NCOR2: variants seen among roughly 807,000 people sequenced by gnomAD.
The protein encoded by NCOR2 is CTG repeat protein 26.
NCOR2 carries 81 observed loss-of-function variants against 262.9 expected under a neutral mutation model. The ratio of observed to expected loss-of-function variants is 0.31; its 90% CI spans 0.26 to 0.37. The LOEUF (loss-of-function observed/expected upper bound fraction) is 0.37, where lower values mean the gene tolerates loss of function less well. Ranked by LOEUF, NCOR2 falls within the 10% of genes least tolerant of loss-of-function variation. The pLI, the probability that NCOR2 is intolerant of heterozygous loss-of-function variation, is 1.00. For missense variants in NCOR2, 3,385 were observed against 3,621.4 expected (o/e 0.93, Z 1.68); for synonymous variants, 1,659 against 1,559.3 (o/e 1.06, Z -1.51).
chr12:124,493,457 G>A (rs2048203572), intron 1 of NCOR2, among the ~76,000 whole-genome samples: 1 of 152,214 alleles, frequency 6.6e-6, no homozygotes, highest in African/African-American at 2.4e-5. Flanking sequence ...TACCCCTCGT[G>A]AGAATCTAGG....
chr12:124,333,054 C>T, intron 42 of NCOR2, 76 bp downstream of exon 44: 1 of 1,505,972 alleles, frequency 6.6e-7, no homozygotes. Context: ...CACATGGCAC[C>T]ACGGTGGACT....
At chr12:124,416,329 C>A (rs2042856772) in intron 13 of NCOR2, among the ~76,000 whole-genome samples, 1 of 152,198 alleles carries the variant, frequency 6.6e-6, no homozygotes, top group South Asian at 2.1e-4. Flanking sequence ...GTACCGGGAC[C>A]CCCACGAATC....
Position 124,443,659 on chromosome 12 carries a change from C to T in NCOR2, c.816-5663G>A, listed in dbSNP as rs1000745128. 5.3e-5 allele frequency among the ~76,000 whole-genome samples: 8 copies of T among 152,074 alleles called. No individual in the cohort carries two copies. Among genetic ancestry groups the T allele is most frequent in the Admixed American group, 6.6e-5 (1 of 15,264 alleles). ...CTGGGGCTATAGGCACGTGCCACTACGCCCAGCTAATTTTCGTATTTTTAG... is the reference window on the plus strand; with the variant it reads ...CTGGGGCTATAGGCACGTGCCACTATGCCCAGCTAATTTTCGTATTTTTAG... On this transcript the variant is annotated intron_variant, in intron 7 of 46. Transcript: ENST00000405201. The surrounding 1 kb of genome is among the most constrained non-coding windows in gnomAD (Gnocchi z 4.4).
chr12:124,357,919 G>A lies in NCOR2; in HGVS notation c.3101-1137C>T, dbSNP rs533025633. Among the ~76,000 whole-genome samples, 29 of 151,244 alleles carry A rather than the reference G, an allele frequency of 1.9e-4. No homozygotes were observed. In the East Asian group the frequency reaches 3.3e-3, roughly 17 times the overall value. On this transcript the variant is annotated intron_variant, in intron 22 of 46. Transcript: ENST00000405201. Reference sequence around the variant, plus strand: ...ACCTGTGATATGTGTGTGTGCGTGCGCACGTGCGTGCATGTGTGTGTGAGT... The same window carrying A: ...ACCTGTGATATGTGTGTGTGCGTGCACACGTGCGTGCATGTGTGTGTGAGT...
In NCOR2 at chr12:124,344,152, A is replaced by AAG. The variant is rs1205061795; in HGVS notation, c.4714+443_4714+444dup. 2.6e-5 allele frequency among the ~76,000 whole-genome samples: 4 copies of AAG among 152,300 alleles called. No individual in the cohort carries two copies. In the East Asian group the frequency reaches 7.7e-4, roughly 29 times the overall value. ...CCGAGCTAAGCATGGCCAGGGAACA[A>AAG]AGAGAAAGAGGGCCCAGGGGCTGGG... On this transcript the variant is annotated intron_variant, in intron 32 of 46. Transcript: ENST00000405201.
rs376515246 is a variant in NCOR2 at position 124,423,329 on chromosome 12, G to C, written c.1329-774C>G. 7.2e-4 allele frequency among the ~76,000 whole-genome samples: 110 copies of C among 152,338 alleles called. 2 individuals carry two copies. In the South Asian group the frequency reaches 0.021, roughly 29 times the overall value. On this transcript the variant is annotated intron_variant, in intron 11 of 46. Transcript: ENST00000405201. ...GACGTGCCACAGCCCCACAGCCTTC[G>C]CAGGGAGAGCAGCGGCTGGCTGCTA... is the stretch of plus-strand genomic sequence containing the variant.
intron 17 of NCOR2, among the ~76,000 whole-genome samples, chr12:124,384,739 T>C (rs1460529674): frequency 1.3e-5 from 2 of 151,966 alleles, no homozygotes; most frequent in African/African-American, 2.4e-5. Context: ...CAATTCAGCA[T>C]GGCCTGCCCG....
intron 17 of NCOR2, 141 bp downstream of exon 19, chr12:124,385,604 C>T (rs1464693453): frequency 4.6e-6 from 6 of 1,302,688 alleles, no homozygotes; most frequent in Admixed American, 4.4e-5. Context: ...GGCTTGAACC[C>T]CCAGAAGCTG....
intron 16 of NCOR2, among the ~76,000 whole-genome samples, chr12:124,396,575 TCTCA>T (rs1252217097): frequency 3.3e-5 from 5 of 151,844 alleles, no homozygotes; most frequent in African/African-American, 1.2e-4. Context: ...CTGGCATGCC[TCTCA>T]CTCACCACAC....
intron 16 of NCOR2, among the ~76,000 whole-genome samples, chr12:124,395,308 T>A (rs557209394): frequency 6.6e-6 from 1 of 151,842 alleles, no homozygotes; most frequent in Admixed American, 6.6e-5. Context: ...TGCTGGGGCC[T>A]GCCAGCACCT....
At chr12:124,325,376 C>CGCCCCCG in exon 47 of NCOR2, 1 of 426,508 alleles carries the variant, frequency 2.3e-6, no homozygotes, top group Non-Finnish European at 3.4e-6. Context: ...GACCTGACAC[C>CGCCCCCG]GCCCCCCCCC....
At chr12:124,384,020 G>A (rs1304809446) in intron 17 of NCOR2, among the ~76,000 whole-genome samples, 3 of 152,160 alleles carry the variant, frequency 2.0e-5, no homozygotes, top group South Asian at 2.1e-4. Context: ...GGGGACAGGC[G>A]GAGGGAGCCC....
chr12:124,508,280 A>AC (rs558762408), intron 1 of NCOR2, among the ~76,000 whole-genome samples: 11 of 152,338 alleles, frequency 7.2e-5, no homozygotes, highest in African/African-American at 2.4e-4. Context: ...CCATTCAATT[A>AC]CCCCAGGGGC....
chr12:124,472,887 C>G, intron 4 of NCOR2, 65 bp downstream of exon 6: 1 of 1,598,762 alleles, frequency 6.3e-7, no homozygotes, highest in Admixed American at 1.7e-5. Context: ...TCTGTGACAC[C>G]GCTGTCACTG....
rs140410776 is a variant in NCOR2, at chr12:124,503,671, AATGGATGGATGGATGG to A, written c.-117-8319_-117-8304del. Among the ~76,000 whole-genome samples, 33 of 122,116 alleles carry A rather than the reference AATGGATGGATGGATGG, an allele frequency of 2.7e-4. No homozygotes were observed. The highest frequency in any genetic ancestry group is 5.9e-4 in the East Asian group (2 of 3,368). The allele number at this position is 122,116 out of a possible 152,430, so 80.1% of individuals were successfully genotyped here. A position where few individuals can be genotyped will look rare whatever the true frequency, so the allele number is the denominator to read the frequency against. On this transcript the variant is annotated intron_variant, in intron 1 of 46. Transcript: ENST00000404621. This position sits in a 1 kb window ranked among gnomAD's most constrained non-coding sequence, Gnocchi z 4.3. ...GGATGGATGGATGGATGGACGGGTG[AATGGATGGATGGATGG>A]ATGGATGGATGGATGGATGGATGGA...
intron 28 of NCOR2, among the ~76,000 whole-genome samples, chr12:124,349,908 CA>C (rs1389550058): frequency 3.3e-5 from 5 of 152,292 alleles, no homozygotes; most frequent in Admixed American, 2.6e-4. Flanking sequence ...TCTGTGGCAG[CA>C]GGGAGTGCAT....
intron 1 of NCOR2, among the ~76,000 whole-genome samples, chr12:124,507,290 A>G (rs751574023): frequency 6.6e-6 from 1 of 152,212 alleles, no homozygotes; most frequent in Non-Finnish European, 1.5e-5. Flanking sequence ...CAATATGGCT[A>G]TTCTTAACAC....
chr12:124,472,349 G>A (rs925868742), intron 4 of NCOR2, among the ~76,000 whole-genome samples: 2 of 152,040 alleles, frequency 1.3e-5, no homozygotes, highest in African/African-American at 4.8e-5. Flanking sequence ...TTTTAATCTC[G>A]GGATCTTGCT....
chr12:124,369,736 C>T (rs976298782), intron 20 of NCOR2, among the ~76,000 whole-genome samples: 3 of 152,104 alleles, frequency 2.0e-5, no homozygotes, highest in South Asian at 2.1e-4. Flanking sequence ...GACTCCCAGC[C>T]GAGGACTCCT....
Sources: allele counts gnomAD v4.1 joint callset (sites outside exome capture counted in the v4.1 genomes callset), GRCh38; gene constraint gnomAD v4.1.1; non-coding constraint Gnocchi (gnomAD v3.1); transcripts MANE v1.5; gene names NCBI Gene and HGNC (gene_info 2026-07-23, HGNC 2026-07-21).